ZNF385D: variants seen among roughly 807,000 people sequenced by gnomAD.
The protein encoded by ZNF385D is zinc finger protein 385D.
In ZNF385D, 15 loss-of-function variants were observed where a neutral mutation model predicts 35.8. The ratio of observed to expected loss-of-function variants is 0.42; its 90% confidence interval spans 0.28 to 0.64. ZNF385D has a LOEUF of 0.64. Ranked by LOEUF, ZNF385D falls within the 30% of genes least tolerant of loss-of-function variation. The pLI is 0.23. For synonymous variants in ZNF385D, 212 were observed against 186.8 expected, an observed-to-expected ratio of 1.13 and a Z score of -1.10; for missense variants, 474 against 494.6, an observed-to-expected ratio of 0.96 and a Z score of 0.39.
intron 3 of ZNF385D, among the ~76,000 whole-genome samples, chr3:21,833,447 G>C (rs1695130733): frequency 6.6e-6 from 1 of 152,152 alleles, no homozygotes; most frequent in Non-Finnish European, 1.5e-5. Flanking sequence ...CCACGCACGT[G>C]GAGAGGATTG....
intron 2 of ZNF385D, among the ~76,000 whole-genome samples, chr3:22,324,196 T>G (rs1301191817): frequency 6.6e-6 from 1 of 152,176 alleles, no homozygotes; most frequent in Non-Finnish European, 1.5e-5. Flanking sequence ...ATTTTGGTGC[T>G]CCTAATAGGA....
chr3:22,320,191 G>A (rs1694347335), intron 2 of ZNF385D, among the ~76,000 whole-genome samples: 1 of 151,654 alleles, frequency 6.6e-6, no homozygotes, highest in Admixed American at 6.6e-5. Flanking sequence ...CCCACCCTAT[G>A]TCCTCCAGAC....
At chr3:22,019,706 ACT>A (rs1247883558) in intron 3 of ZNF385D, among the ~76,000 whole-genome samples, 4 of 151,908 alleles carry the variant, frequency 2.6e-5, no homozygotes, top group Non-Finnish European at 5.9e-5. Context: ...CATTTTGGAG[ACT>A]CTACATTTAT....
upstream of ZNF385D, among the ~76,000 whole-genome samples, chr3:21,753,783 T>TG (rs1456855618): frequency 1.8e-5 from 2 of 108,532 alleles, no homozygotes; most frequent in African/African-American, 6.9e-5. Context: ...GTTGTTGTTG[T>TG]TGTTGTTGTG....
intron 3 of ZNF385D, among the ~76,000 whole-genome samples, chr3:22,012,033 T>C (rs1475710152): frequency 6.6e-6 from 1 of 152,184 alleles, no homozygotes; most frequent in Admixed American, 6.5e-5. Context: ...GTGCATGATA[T>C]TATCAGATAG....
chr3:21,982,322 G>C (rs966400324), intron 3 of ZNF385D, among the ~76,000 whole-genome samples: 2 of 151,854 alleles, frequency 1.3e-5, no homozygotes, highest in African/African-American at 4.8e-5. Context: ...AGGTTTTCTA[G>C]GTATTTTATT....
intron 3 of ZNF385D, among the ~76,000 whole-genome samples, chr3:21,514,120 G>A (rs897512222): frequency 2.0e-5 from 3 of 152,140 alleles, no homozygotes; most frequent in Non-Finnish European, 4.4e-5. Flanking sequence ...CTTTTGAGCA[G>A]AGGAGTGTAG....
chr3:21,479,500 T>G (rs569694202), intron 4 of ZNF385D, among the ~76,000 whole-genome samples: 2 of 152,262 alleles, frequency 1.3e-5, no homozygotes, highest in East Asian at 3.9e-4. Context: ...CTTTAAAAGA[T>G]TTATTTAAGG....
intron 3 of ZNF385D, among the ~76,000 whole-genome samples, chr3:21,978,649 T>A (rs562814068): frequency 1.6e-4 from 24 of 152,348 alleles, no homozygotes; most frequent in Admixed American, 2.6e-4. Context: ...TCAATTACTC[T>A]TTTATGAGTA....
chr3:21,719,884 C>T (rs555282587), intron 1 of ZNF385D, among the ~76,000 whole-genome samples: 5 of 152,330 alleles, frequency 3.3e-5, no homozygotes, highest in Admixed American at 2.0e-4. Flanking sequence ...CCAGATAGTA[C>T]ATCAGCCATC....
intron 2 of ZNF385D, among the ~76,000 whole-genome samples, chr3:22,257,861 T>G (rs1428063636): frequency 6.6e-6 from 1 of 151,858 alleles, no homozygotes; most frequent in African/African-American, 2.4e-5. Flanking sequence ...CACACAATTT[T>G]GTATCAAGTT....
intron 2 of ZNF385D, among the ~76,000 whole-genome samples, chr3:22,204,274 C>T (rs1697001472): frequency 6.6e-6 from 1 of 152,090 alleles, no homozygotes; most frequent in Non-Finnish European, 1.5e-5. Flanking sequence ...CTGTAAGAAT[C>T]ACAGCTTTAC....
Position 22,024,226 on chromosome 3 carries a change from C to A in ZNF385D, c.325+144591G>T, listed in dbSNP as rs537846835. The stretch of plus-strand genomic sequence containing the variant: ...AAGTTCTTCAGTTTGGGCACTTGGA[C>A]TGGCTCTCCTTGCTCCTCAACTTGC... On this transcript the variant is annotated intron_variant, in intron 3 of 5. Coordinates refer to the ZNF385D transcript ENST00000494108. Among the ~76,000 whole-genome samples the A allele has an allele frequency of 4.0e-4, 61 of 152,288 alleles. 1 individual carries two copies. The highest frequency in any genetic ancestry group is 7.9e-4 in the Non-Finnish European group (54 of 68,018).
intron 2 of ZNF385D, among the ~76,000 whole-genome samples, chr3:22,227,717 A>T (rs2125291689): frequency 6.6e-6 from 1 of 152,334 alleles, no homozygotes; most frequent in East Asian, 1.9e-4. Context: ...GGCAACACCC[A>T]GAAGTTACCA....
chr3:22,147,504 T>C (rs1433169633), intron 3 of ZNF385D, among the ~76,000 whole-genome samples: 1 of 152,128 alleles, frequency 6.6e-6, no homozygotes, highest in Non-Finnish European at 1.5e-5. Flanking sequence ...CTGGAGTTCC[T>C]GGTAAAGATG....
At chr3:21,961,687 GTA>G (rs999221512) in intron 3 of ZNF385D, 2 of 151,944 alleles carry the variant, frequency 1.3e-5, no homozygotes, top group African/African-American at 4.8e-5. Context: ...CTAATATTTT[GTA>G]AGTGAATGGA....
intron 3 of ZNF385D, among the ~76,000 whole-genome samples, chr3:22,133,356 T>C (rs1013072021): frequency 6.6e-6 from 1 of 152,054 alleles, no homozygotes; most frequent in African/African-American, 2.4e-5. Flanking sequence ...ATAAACTCTC[T>C]ATATCTCTAT....
chr3:22,214,856 C>T (rs1258948715), intron 2 of ZNF385D, among the ~76,000 whole-genome samples: 1 of 151,912 alleles, frequency 6.6e-6, no homozygotes, highest in African/African-American at 2.4e-5. Context: ...GCCCTGCCTC[C>T]ATTTGCCTTG....
intron 2 of ZNF385D, among the ~76,000 whole-genome samples, chr3:22,319,868 G>T (rs1363447267): frequency 2.0e-5 from 3 of 151,918 alleles, no homozygotes; most frequent in Non-Finnish European, 2.9e-5. Flanking sequence ...TTAAATAATG[G>T]TATTTTAGTT....
Sources: gnomAD v4.1 joint callset for allele counts (sites outside exome capture counted in the v4.1 genomes callset) on GRCh38, gnomAD v4.1.1 for gene constraint, MANE v1.5 for transcripts, NCBI Gene and HGNC (gene_info 2026-07-23, HGNC 2026-07-21) for gene names.